The following KIAA1671 variants were observed in gnomAD, a reference collection of about 807,000 sequenced individuals.
The protein encoded by KIAA1671 is KIAA1671.
KIAA1671 carries 52 observed loss-of-function variants against 131.2 expected under a neutral mutation model. The ratio of observed to expected loss-of-function variants is 0.40; its 90% CI spans 0.32 to 0.50. The LOEUF is 0.50. Among genes scored for constraint, KIAA1671 ranks in the 20% least tolerant of loss-of-function variants. The pLI is 0.73. For missense variants in KIAA1671, 2,360 were observed against 2,364.2 expected (o/e 1.00, Z 0.04); for synonymous variants, 1,003 against 961.6 (o/e 1.04, Z -0.80).
intron 1 of KIAA1671, among the ~76,000 whole-genome samples, chr22:25,005,619 A>G (rs1340499754): frequency 6.6e-6 from 1 of 152,186 alleles, no homozygotes; most frequent in East Asian, 1.9e-4. Flanking sequence ...CCTCTACTTT[A>G]CCTGCCTCGT....
At chr22:24,999,603 C>A (rs1217297218) in intron 1 of KIAA1671, among the ~76,000 whole-genome samples, 1 of 150,040 alleles carries the variant, frequency 6.7e-6, no homozygotes, top group Non-Finnish European at 1.5e-5. Context: ...CACTCTGTTG[C>A]CTAGGCTGGA....
In KIAA1671 at chr22:25,040,454, T is replaced by TTGG. The variant is rs1386325171; in HGVS notation, c.3324_3325insTGG (p.Arg1108_Pro1109insTrp). 7 of 1,552,042 alleles carry TTGG rather than the reference T, an allele frequency of 4.5e-6. No individual in the cohort carries two copies. The highest frequency in any genetic ancestry group is 4.4e-6 in the Non-Finnish European group (5 of 1,147,068). ...TAAAAACTCTGAAGCCAACAGACCG[T>TTGG]CCATCATCTCTTGGGGCCTGGAGTC... On this transcript the variant is annotated inframe_insertion, in exon 5 of 13. Transcript: ENST00000358431.
intron 4 of KIAA1671, among the ~76,000 whole-genome samples, chr22:25,035,714 G>A (rs908339454): frequency 1.3e-5 from 2 of 152,220 alleles, no homozygotes; most frequent in Admixed American, 6.5e-5. Flanking sequence ...TGTGGCGAGA[G>A]TGGCAAAATG....
chr22:25,118,311 G>A (rs934365080), intron 6 of KIAA1671, among the ~76,000 whole-genome samples: 3 of 151,830 alleles, frequency 2.0e-5, no homozygotes, highest in Non-Finnish European at 2.9e-5. Context: ...CCTCTTCTCT[G>A]TCATCTCCTT....
chr22:25,008,567 G>A (rs557640558), intron 1 of KIAA1671, among the ~76,000 whole-genome samples: 6 of 152,310 alleles, frequency 3.9e-5, no homozygotes, highest in African/African-American at 1.4e-4. Context: ...GAGGCCACCT[G>A]ATTTCAAATC....
At chr22:25,153,893 C>A (rs1448628352) in intron 6 of KIAA1671, among the ~76,000 whole-genome samples, 1 of 152,232 alleles carries the variant, frequency 6.6e-6, no homozygotes, top group Non-Finnish European at 1.5e-5. Context: ...GGGTCTGCCT[C>A]ACCCCAAGGC....
At chr22:25,070,660 C>T (rs557467345) in intron 6 of KIAA1671, among the ~76,000 whole-genome samples, 13 of 151,752 alleles carry the variant, frequency 8.6e-5, no homozygotes, top group Admixed American at 5.2e-4. Context: ...ATCCTGGATC[C>T]GATGTGGGCT....
At chr22:25,180,616 C>T (rs977068350) in intron 9 of KIAA1671, among the ~76,000 whole-genome samples, 4 of 152,164 alleles carry the variant, frequency 2.6e-5, no homozygotes, top group African/African-American at 9.7e-5. Flanking sequence ...TAGACACAGC[C>T]TTTTTAGTCC....
At chr22:25,157,114 G>C (rs1476468434) in intron 6 of KIAA1671, among the ~76,000 whole-genome samples, 3 of 152,186 alleles carry the variant, frequency 2.0e-5, no homozygotes, top group African/African-American at 2.4e-5. Context: ...TCCATTAAAA[G>C]GAGATGCTGG....
At position 24,967,590 on chromosome 22, in the gene KIAA1671, G is replaced by T. The variant is rs563560646; in HGVS notation, c.-208+14818G>T. Among the ~76,000 whole-genome samples the T allele has an allele frequency of 1.4e-4, 21 of 152,342 alleles. No individual in the cohort carries two copies. In the South Asian group the frequency reaches 4.3e-3, roughly 32 times the overall value. On this transcript the variant is annotated intron_variant, in intron 1 of 12. Coordinates refer to ENST00000358431, the MANE Select transcript of KIAA1671 (RefSeq NM_001145206.2). Reference sequence around the variant, plus strand: ...CTGGGGCCTGGCCTCCGCCCTCAAGGAGGACAGAGAAGAGGAGGCAGAGAG... The same window carrying T: ...CTGGGGCCTGGCCTCCGCCCTCAAGTAGGACAGAGAAGAGGAGGCAGAGAG...
Position 25,071,680 on chromosome 22 carries a change from G to C in KIAA1671, c.4530+22316G>C, listed in dbSNP as rs533175298. On this transcript the variant is annotated intron_variant, in intron 6 of 12. Coordinates refer to ENST00000358431, the MANE Select transcript of KIAA1671 (RefSeq NM_001145206.2). ...TGCCTGGCTGCGTGTTGGGCTCTGG[G>C]CTCCATGCTGGAGATGCAGAGATGA... Among the ~76,000 whole-genome samples, 7 of 152,236 alleles carry C rather than the reference G, an allele frequency of 4.6e-5. No homozygotes were observed. The East Asian group carries it at 1.3e-3, about 29-fold the overall frequency.
intron 6 of KIAA1671, among the ~76,000 whole-genome samples, chr22:25,120,335 G>A (rs1931871467): frequency 6.6e-6 from 1 of 152,248 alleles, no homozygotes; most frequent in South Asian, 2.1e-4. Flanking sequence ...AGGCAGGACA[G>A]GCTGCTTTCT....
intron 1 of KIAA1671, among the ~76,000 whole-genome samples, chr22:24,996,344 AC>A (rs1426997123): frequency 6.6e-6 from 1 of 150,512 alleles, no homozygotes; most frequent in Non-Finnish European, 1.5e-5. Flanking sequence ...CAGCGAGGAG[AC>A]CCTCCCCACA....
At position 25,028,092 on chromosome 22, in the gene KIAA1671, C is replaced by T. The variant is rs1926050490; in HGVS notation, c.93C>T (p.Thr31=). The change falls in exon 3 of 13, where the codon ACC becomes ACT. Residue 31 remains threonine, a synonymous_variant. Coordinates refer to ENST00000358431, the MANE Select transcript of KIAA1671 (RefSeq NM_001145206.2). ...GCAAGGAGGAGACCCTGACGAGGAC[C>T]TACTTCCTCCAGGCCGGCGAAGCCT... ...EMGKEETLTR[T]YFLQAGEASG... 2 of 1,551,284 alleles carry T rather than the reference C, an allele frequency of 1.3e-6. No individual in the cohort carries two copies. Among genetic ancestry groups the T allele is most frequent in the Non-Finnish European group, 8.7e-7 (1 of 1,146,790 alleles).
In KIAA1671 at chr22:25,181,757, G is replaced by C; in HGVS notation, c.5133G>C (p.Glu1711Asp). 6.4e-7 allele frequency: 1 copy of C among 1,551,644 alleles called. No individual in the cohort carries two copies. The highest frequency in any genetic ancestry group is 8.7e-7 in the Non-Finnish European group (1 of 1,146,960). ...SDEEETASKA[E>D]RTPVSHPQRM... ...AGGAGGAGACGGCATCCAAAGCTGA[G>C]AGGACCCCTGTCAGCCATCCTCAGA... The change falls in exon 10 of 13, where the codon GAG becomes GAC. Residue 1711 changes from glutamate (E) to aspartate (D), a missense_variant. Around this residue, in one of 3 missense-constraint regions of KIAA1671, gnomAD observed 1,161 missense variants for 1,204.7 expected, o/e 0.96. Coordinates refer to ENST00000358431, the MANE Select transcript of KIAA1671 (RefSeq NM_001145206.2).
At chr22:25,185,348 C>A (rs768344941) in intron 11 of KIAA1671, 4 of 491,312 alleles carry the variant, frequency 8.1e-6, no homozygotes, top group Non-Finnish European at 1.4e-5. Flanking sequence ...TCTCCTCTTC[C>A]CCGCCCACTG....
At chr22:25,003,351 C>CA (rs964265972) in intron 1 of KIAA1671, among the ~76,000 whole-genome samples, 18 of 149,758 alleles carry the variant, frequency 1.2e-4, no homozygotes, top group African/African-American at 4.2e-4. Flanking sequence ...TACAACTACA[C>CA]AAAAAAGATT....
At chr22:24,999,074 TTA>T (rs1924295968) in intron 1 of KIAA1671, among the ~76,000 whole-genome samples, 1 of 152,168 alleles carries the variant, frequency 6.6e-6, no homozygotes, top group Admixed American at 6.5e-5. Context: ...GATTCAGCTT[TTA>T]TAGGTCCTGC....
At chr22:25,101,209 G>A (rs1193394378) in intron 6 of KIAA1671, among the ~76,000 whole-genome samples, 1 of 152,222 alleles carries the variant, frequency 6.6e-6, no homozygotes, top group Non-Finnish European at 1.5e-5. Flanking sequence ...GAACCACCGG[G>A]TGGCCCAGGG....
Sources: allele counts gnomAD v4.1 joint callset (sites outside exome capture counted in the v4.1 genomes callset), GRCh38; gene constraint gnomAD v4.1.1; regional missense constraint gnomAD v4.1.1; transcripts MANE v1.5; gene names NCBI Gene and HGNC (gene_info 2026-07-23, HGNC 2026-07-21).